The following DDAH1 variants were observed in gnomAD, a reference collection of about 807,000 sequenced individuals.
The protein encoded by DDAH1 is N(G),N(G)-dimethylarginine dimethylaminohydrolase 1.
A neutral mutation model predicts 28.8 loss-of-function variants in DDAH1; 19 were observed. That is an observed-to-expected ratio of 0.66 (90% CI 0.46 to 0.97). The LOEUF (loss-of-function observed/expected upper bound fraction) is 0.97, where lower values mean the gene tolerates loss of function less well. Ranked by LOEUF, DDAH1 falls within the 50% of genes least tolerant of loss-of-function variation. The probability of loss-of-function intolerance (pLI) is 0.00; values close to 1 mark genes in which losing one functional copy is unlikely to be tolerated. For missense variants in DDAH1, 326 were observed against 375.9 expected, an observed-to-expected ratio of 0.87 and a Z score of 1.10; for synonymous variants, 153 against 154.4, an observed-to-expected ratio of 0.99 and a Z score of 0.07.
chr1:85,325,314 G>A (rs1007729986), intron 4 of DDAH1, among the ~76,000 whole-genome samples: 2 of 152,002 alleles, frequency 1.3e-5, no homozygotes, highest in Non-Finnish European at 2.9e-5. Flanking sequence ...ATGTGAATCT[G>A]ATTAATCAGT....
intron 1 of DDAH1, among the ~76,000 whole-genome samples, chr1:85,537,139 G>A (rs555069324): frequency 1.3e-5 from 2 of 151,290 alleles, no homozygotes; most frequent in East Asian, 1.9e-4. Flanking sequence ...TCAGGAGTTC[G>A]TGACCAACCT....
At chr1:85,522,422 A>C (rs1389736337) in intron 1 of DDAH1, among the ~76,000 whole-genome samples, 1 of 128,520 alleles carries the variant, frequency 7.8e-6, no homozygotes, top group Non-Finnish European at 1.6e-5. Flanking sequence ...CATTTAAACT[A>C]CAGAAATAAG....
intron 1 of DDAH1, among the ~76,000 whole-genome samples, chr1:85,425,109 T>A (rs1234131904): frequency 6.6e-6 from 1 of 152,138 alleles, no homozygotes; most frequent in African/African-American, 2.4e-5. Context: ...CATTTTCATG[T>A]GAGCTGTCAT....
intron 1 of DDAH1, among the ~76,000 whole-genome samples, chr1:85,434,606 G>A (rs1042137622): frequency 6.6e-6 from 1 of 151,894 alleles, no homozygotes; most frequent in Admixed American, 6.6e-5. Context: ...TGCCCAGGCT[G>A]GTCTTGAACT....
chr1:85,342,202 G>T (rs768000968), intron 4 of DDAH1, among the ~76,000 whole-genome samples: 9 of 152,156 alleles, frequency 5.9e-5, no homozygotes, highest in Non-Finnish European at 1.3e-4. Context: ...TCTCTGCTTT[G>T]TCCTCATGGG....
At chr1:85,342,954 C>T (rs889239132) in intron 4 of DDAH1, among the ~76,000 whole-genome samples, 12 of 152,194 alleles carry the variant, frequency 7.9e-5, no homozygotes, top group Admixed American at 7.2e-4. Context: ...AAACCACTCT[C>T]ACTAGGAACC....
intron 1 of DDAH1, among the ~76,000 whole-genome samples, chr1:85,374,905 G>A (rs1443264150): frequency 6.6e-6 from 1 of 152,064 alleles, no homozygotes; most frequent in Non-Finnish European, 1.5e-5. Flanking sequence ...AATAAGTAAA[G>A]CTCCTTGTAT....
At chr1:85,399,449 A>G (rs1651967674) in intron 1 of DDAH1, 1 of 152,278 alleles carries the variant, frequency 6.6e-6, no homozygotes, top group African/African-American at 2.4e-5. Context: ...AGGTGAAAGC[A>G]TGACTGAAAG....
At position 85,320,880 on chromosome 1, in the gene DDAH1, A is replaced by C. The variant is rs1327555023; in HGVS notation, c.*572T>G. The C allele has an allele frequency of 6.6e-6, 1 of 152,390 alleles. No individual in the cohort carries two copies. Among genetic ancestry groups the C allele is most frequent in the African/African-American group, 2.4e-5 (1 of 41,418 alleles). 9.4% of individuals were successfully genotyped at this position (152,390 alleles called of 1,614,324 possible). A position where few individuals can be genotyped will look rare whatever the true frequency, so the allele number is the denominator to read the frequency against. ...GTCAGAGGCAGAGGAGACCAATGGC[A>C]GACAGGGTGGACCTGCAGGAAGGTA... On this transcript the variant is annotated 3_prime_UTR_variant, in exon 6 of 6. Transcript: ENST00000284031.
chr1:85,382,235 A>G (rs895514718), intron 1 of DDAH1, among the ~76,000 whole-genome samples: 2 of 152,226 alleles, frequency 1.3e-5, no homozygotes, highest in African/African-American at 4.8e-5. Context: ...AAAGTAAAAC[A>G]GCCTTATTGA....
intron 1 of DDAH1, among the ~76,000 whole-genome samples, chr1:85,376,174 GC>G (rs569363099): frequency 2.6e-4 from 39 of 152,244 alleles, no homozygotes; most frequent in African/African-American, 8.7e-4. Flanking sequence ...TTTAAAGTTT[GC>G]TTTTTAATAG....
At chr1:85,408,466 G>A (rs1213310334) in intron 1 of DDAH1, among the ~76,000 whole-genome samples, 1 of 151,974 alleles carries the variant, frequency 6.6e-6, no homozygotes, top group Non-Finnish European at 1.5e-5. Flanking sequence ...TGATTTACAT[G>A]TTTTCCCTGT....
At chr1:85,518,599 T>G (rs1657555111) in intron 1 of DDAH1, among the ~76,000 whole-genome samples, 1 of 152,092 alleles carries the variant, frequency 6.6e-6, no homozygotes, top group Non-Finnish European at 1.5e-5. Flanking sequence ...TACCATCACA[T>G]CTCTCCCTAA....
At chr1:85,554,295 T>TTA in intron 1 of DDAH1, among the ~76,000 whole-genome samples, 1 of 151,066 alleles carries the variant, frequency 6.6e-6, no homozygotes, top group Non-Finnish European at 1.5e-5. Context: ...TTTTTTTTTT[T>TTA]TTTAATCTCT....
intron 1 of DDAH1, among the ~76,000 whole-genome samples, chr1:85,500,171 TC>T (rs1015877466): frequency 6.7e-6 from 1 of 149,146 alleles, no homozygotes; most frequent in Non-Finnish European, 1.5e-5. Context: ...TTCTCTTTTT[TC>T]CTTCCTTCCT....
intron 2 of DDAH1, among the ~76,000 whole-genome samples, chr1:85,485,727 T>G (rs1656182133): frequency 6.6e-6 from 1 of 152,206 alleles, no homozygotes; most frequent in Non-Finnish European, 1.5e-5. Context: ...TGGACGCATT[T>G]AAACAGCATC....
At chr1:85,503,828 C>A (rs1048477827) in intron 1 of DDAH1, among the ~76,000 whole-genome samples, 1 of 152,052 alleles carries the variant, frequency 6.6e-6, no homozygotes, top group Non-Finnish European at 1.5e-5. Flanking sequence ...TCTAAGGTGA[C>A]CTCTGGGCTA....
At chr1:85,406,830 A>G (rs1353768787) in intron 1 of DDAH1, among the ~76,000 whole-genome samples, 1 of 152,106 alleles carries the variant, frequency 6.6e-6, no homozygotes, top group Non-Finnish European at 1.5e-5. Flanking sequence ...ATTTCATGGT[A>G]GTTTTAAATT....
rs887187875 is a variant in DDAH1, at chr1:85,546,391, G to A, written c.-123+31593C>T. Reference sequence around the variant, plus strand: ...CAGATGTGACTTCGGTATTGATATTGAAATTCTCAGCCTTCAGAACTGTGA... The same window carrying A: ...CAGATGTGACTTCGGTATTGATATTAAAATTCTCAGCCTTCAGAACTGTGA... On this transcript the variant is annotated intron_variant, in intron 1 of 6. Transcript: ENST00000426972. Among the ~76,000 whole-genome samples, 3 of 152,140 alleles carry A rather than the reference G, an allele frequency of 2.0e-5. No individual in the cohort carries two copies. In the East Asian group the frequency reaches 5.8e-4, roughly 29 times the overall value.
Sources: allele counts gnomAD v4.1 joint callset (sites outside exome capture counted in the v4.1 genomes callset), GRCh38; gene constraint gnomAD v4.1.1; transcripts MANE v1.5; gene names NCBI Gene and HGNC (gene_info 2026-07-23, HGNC 2026-07-21).